CHLSN: variants seen among roughly 807,000 people sequenced by gnomAD.
CHLSN encodes protein cholesin.
chr7:1,006,800 A>G, the CHLSN span, among the ~76,000 whole-genome samples: 1 of 152,172 alleles, frequency 6.6e-6, no homozygotes, highest in Admixed American at 6.5e-5. Flanking sequence ...GAAAGAGCGC[A>G]TGACGGCCAC....
the CHLSN span, among the ~76,000 whole-genome samples, chr7:1,097,211 G>T: frequency 6.6e-6 from 1 of 152,180 alleles, no homozygotes; most frequent in Non-Finnish European, 1.5e-5. The surrounding 1 kb of genome is among the most constrained non-coding windows in gnomAD (Gnocchi z 4.3). Context: ...ACAGGGCCTG[G>T]CCCCGAACAC....
At chr7:1,011,688 C>G in the CHLSN span, among the ~76,000 whole-genome samples, 2 of 146,184 alleles carry the variant, frequency 1.4e-5, no homozygotes, top group African/African-American at 5.2e-5. Flanking sequence ...CCACAGATGC[C>G]CACACACCCA....
At chr7:1,116,414 C>T in the CHLSN span, among the ~76,000 whole-genome samples, 1 of 141,172 alleles carries the variant, frequency 7.1e-6, no homozygotes, top group Non-Finnish European at 1.5e-5. Flanking sequence ...GACATGACTG[C>T]AGCTCTACGG....
chr7:1,053,741 C>T, the CHLSN span, among the ~76,000 whole-genome samples: 1 of 152,168 alleles, frequency 6.6e-6, no homozygotes, highest in Non-Finnish European at 1.5e-5. Flanking sequence ...GCAGGAGAAT[C>T]GCTTGAACCC....
At chr7:1,040,538 A>C in the CHLSN span, among the ~76,000 whole-genome samples, 3 of 152,186 alleles carry the variant, frequency 2.0e-5, no homozygotes, top group African/African-American at 7.2e-5. Flanking sequence ...AACCTCACAA[A>C]AAATGAACTC....
the CHLSN span, among the ~76,000 whole-genome samples, chr7:1,136,371 T>TATATAAATATATAC: frequency 1.3e-5 from 1 of 77,342 alleles, no homozygotes; most frequent in African/African-American, 6.1e-5. Context: ...TATATATAAA[T>TATATAAATATATAC]ATATATAAAT....
At chr7:1,009,932 T>A in the CHLSN span, 1 of 1,524,526 alleles carries the variant, frequency 6.6e-7, no homozygotes, top group Middle Eastern at 2.0e-4. Context: ...CAGAACCGCG[T>A]GGGGCAGGGC....
chr7:1,081,525 C>A, the CHLSN span, among the ~76,000 whole-genome samples: 4 of 152,238 alleles, frequency 2.6e-5, no homozygotes, highest in Non-Finnish European at 5.9e-5. Flanking sequence ...TGGACTGGAG[C>A]CAGAAAGCCT....
At chr7:1,066,197 C>T in the CHLSN span, among the ~76,000 whole-genome samples, 1 of 152,236 alleles carries the variant, frequency 6.6e-6, no homozygotes, top group Non-Finnish European at 1.5e-5. Context: ...GCCCAGAAAG[C>T]CCACCCTCCC....
At chr7:1,040,478 G>A in the CHLSN span, among the ~76,000 whole-genome samples, 3 of 152,186 alleles carry the variant, frequency 2.0e-5, no homozygotes, top group Non-Finnish European at 2.9e-5. Context: ...CTGCATGACA[G>A]AGTGAGACCC....
At chr7:1,053,464 G>A in the CHLSN span, among the ~76,000 whole-genome samples, 1 of 152,236 alleles carries the variant, frequency 6.6e-6, no homozygotes, top group South Asian at 2.1e-4. Context: ...TGGGAACACT[G>A]GCTCACATGA....
chr7:1,081,440 A>G, the CHLSN span, among the ~76,000 whole-genome samples: 2 of 152,244 alleles, frequency 1.3e-5, no homozygotes, highest in South Asian at 2.1e-4. Flanking sequence ...AAGAACCAGA[A>G]CAAAACCTAA....
the CHLSN span, chr7:1,091,841 T>G: frequency 2.5e-6 from 4 of 1,608,316 alleles, no homozygotes; most frequent in Non-Finnish European, 3.4e-6. Context: ...CACCCGCTCC[T>G]GGGCACCGCC....
the CHLSN span, among the ~76,000 whole-genome samples, chr7:1,038,254 T>TG: frequency 6.2e-5 from 4 of 64,798 alleles, 1 homozygote; most frequent in African/African-American, 1.1e-4. Flanking sequence ...GGGAGGGAGG[T>TG]GGGGGGGTCA....
the CHLSN span, among the ~76,000 whole-genome samples, chr7:1,014,875 C>G: frequency 6.6e-6 from 1 of 152,260 alleles, no homozygotes; most frequent in Non-Finnish European, 1.5e-5. Context: ...ATCCGAGCAC[C>G]AATTCTGTCT....
At chr7:1,064,917 C>G in the CHLSN span, among the ~76,000 whole-genome samples, 1 of 152,224 alleles carries the variant, frequency 6.6e-6, no homozygotes, top group African/African-American at 2.4e-5. Flanking sequence ...CGAGCAGCAT[C>G]CGATTCTTTT....
chr7:1,052,504 G>A, the CHLSN span, among the ~76,000 whole-genome samples: 39 of 152,300 alleles, frequency 2.6e-4, no homozygotes, highest in Non-Finnish European at 4.6e-4. This position sits in a 1 kb window ranked among gnomAD's most constrained non-coding sequence, Gnocchi z 4.2. Context: ...CTTTGGAGGT[G>A]CTGGAGGAGC....
At chr7:1,049,456 T>C in the CHLSN span, among the ~76,000 whole-genome samples, 1 of 152,232 alleles carries the variant, frequency 6.6e-6, no homozygotes, top group Non-Finnish European at 1.5e-5. Context: ...GTCACCTGCC[T>C]GCAAAGGCAC....
chr7:1,068,985 G>A, the CHLSN span, among the ~76,000 whole-genome samples: 11 of 152,276 alleles, frequency 7.2e-5, no homozygotes, highest in South Asian at 1.7e-3. Context: ...TGTTGTGACC[G>A]TGCTGGGTGT....
Sources: gnomAD v4.1 joint callset for allele counts (sites outside exome capture counted in the v4.1 genomes callset) on GRCh38, gnomAD v4.1.1 for gene constraint, Gnocchi (gnomAD v3.1) non-coding constraint, MANE v1.5 for transcripts, NCBI Gene and HGNC (gene_info 2026-07-23, HGNC 2026-07-21) for gene names.